The following FREM1 variants were observed in gnomAD, a reference collection of about 807,000 sequenced individuals.
The protein encoded by FREM1 is FRAS1-related extracellular matrix protein 1.
FREM1 carries 220 observed loss-of-function variants against 210.1 expected under a neutral mutation model. The ratio of observed to expected loss-of-function variants is 1.05; its 90% CI spans 0.94 to 1.17. The LOEUF is 1.17. Among genes scored for constraint, FREM1 ranks in the 50% most tolerant of loss-of-function variants. The pLI, the probability that FREM1 is intolerant of heterozygous loss-of-function variation, is 0.00. For synonymous variants in FREM1, 1,189 were observed against 980.2 expected (o/e 1.21, Z -3.98); for missense variants, 3,454 against 2,675.5 (o/e 1.29, Z -6.42).
chr9:14,744,759 C>T (rs1026289720), intron 35 of FREM1, among the ~76,000 whole-genome samples: 2 of 151,706 alleles, frequency 1.3e-5, no homozygotes, highest in East Asian at 3.9e-4. Context: ...AGTTAAATAC[C>T]TAGGAGTAGA....
chr9:14,860,670 TAC>T (rs1201795998), intron 3 of FREM1, among the ~76,000 whole-genome samples: 12 of 125,938 alleles, frequency 9.5e-5, no homozygotes, highest in Non-Finnish European at 1.4e-4. Flanking sequence ...TATACATATA[TAC>T]ACACATATAT....
In FREM1 at chr9:14,863,816, G is replaced by A; in HGVS notation, c.322C>T (p.Leu108Phe). The A allele has an allele frequency of 6.2e-7, 1 of 1,607,160 alleles. No individual in the cohort carries two copies. The highest frequency in any genetic ancestry group is 8.5e-7 in the Non-Finnish European group (1 of 1,173,742). ...ILDEDTVKLR[L>F]YRFTERDTFI... ...TGTTCCCGTGCCGCTTACCTGTAAA[G>A]TCTGAGCTTCACTGTGTCTTCATCA... is the stretch of plus-strand genomic sequence containing the variant. The change falls in exon 3 of 37, where the codon CTT becomes TTT. Residue 108 changes from leucine (L) to phenylalanine (F), a missense_variant. Physicochemically the swap from Leu to Phe is conservative, Grantham distance 22. Transcript: ENST00000380880.
Position 14,807,969 on chromosome 9 carries a change from A to G in FREM1, c.3059T>C (p.Val1020Ala). Residue 1020 changes from valine to alanine, a missense_variant, in exon 17 of 37, where the codon GTA (valine) becomes GCA (alanine). Coordinates refer to ENST00000380880, the MANE Select transcript of FREM1 (RefSeq NM_001379081.2). The stretch of plus-strand genomic sequence containing the variant: ...TGCAATGGAAGGTGGCTGGTTGTCT[A>G]CTGGGTATACCGTGATGTTGAGATC... ...VYDLNITVYP[V>A]DNQPPSIAIG... The G allele has an allele frequency of 1.9e-6, 3 of 1,613,614 alleles. No homozygotes were observed. Among genetic ancestry groups the G allele is most frequent in the Non-Finnish European group, 2.5e-6 (3 of 1,179,646 alleles).
chr9:14,901,109 T>C (rs1249937794), intron 1 of FREM1, among the ~76,000 whole-genome samples: 1 of 152,200 alleles, frequency 6.6e-6, no homozygotes, highest in African/African-American at 2.4e-5. Context: ...AATTTTATTA[T>C]TCATAAGGCT....
rs1845168769 is a variant in FREM1 at position 14,759,896 on chromosome 9, TCC to T, written c.5208_5209del (p.Glu1737ThrfsTer7). On this transcript the variant is annotated frameshift_variant, in exon 28 of 37. Coordinates refer to ENST00000380880, the MANE Select transcript of FREM1 (RefSeq NM_001379081.2). LOFTEE classifies it high-confidence loss of function. ...CCATTCAATATGAGACCACTTCAGT[TCC>T]AAACTGTGTGTGAAAGGAAAAGAGA... The T allele has an allele frequency of 1.9e-6, 3 of 1,609,056 alleles. No individual in the cohort carries two copies. The highest frequency in any genetic ancestry group is 2.5e-6 in the Non-Finnish European group (3 of 1,177,340).
At chr9:14,787,845 A>C (rs2132941363) in intron 23 of FREM1, among the ~76,000 whole-genome samples, 1 of 152,306 alleles carries the variant, frequency 6.6e-6, no homozygotes, top group East Asian at 1.9e-4. Context: ...TTGCAGGGAG[A>C]GATAAATGTG....
At position 14,813,121 on chromosome 9, in the gene FREM1, G is replaced by A; in HGVS notation, c.2641-57C>T. The A allele has an allele frequency of 5.9e-6, 9 of 1,520,712 alleles. No individual in the cohort carries two copies. The South Asian group carries it at 1.1e-4, about 19-fold the overall frequency. 94.2% of individuals were successfully genotyped at this position (1,520,712 alleles called of 1,614,324 possible). On this transcript the variant is annotated intron_variant, in intron 15 of 36. Transcript: ENST00000380880. ...AAAAGAAAGAAATGACAAATTCTTT[G>A]ACAGGTAATCCATTGCTCATAGTCA...
rs1269187362 is a variant in FREM1, at chr9:14,860,946, C to CATATAT, written c.330-1463_330-1462insATATAT. On this transcript the variant is annotated intron_variant, in intron 3 of 36. Transcript: ENST00000380880. ...ATATATACACATATACACACATATA[C>CATATAT]ACATATACACATATATACACATATA... Among the ~76,000 whole-genome samples the CATATAT allele has an allele frequency of 2.3e-4, 25 of 108,012 alleles. 2 individuals are homozygous for CATATAT. Among genetic ancestry groups the CATATAT allele is most frequent in the Admixed American group, 7.8e-4 (8 of 10,210 alleles). The allele number at this position is 108,012 out of a possible 152,430, so 70.9% of individuals were successfully genotyped here. A position where few individuals can be genotyped will look rare whatever the true frequency, so the allele number is the denominator to read the frequency against.
At chr9:14,783,834 C>T (rs748069647) in intron 24 of FREM1, among the ~76,000 whole-genome samples, 18 of 152,186 alleles carry the variant, frequency 1.2e-4, no homozygotes, top group Admixed American at 1.1e-3. Context: ...ATATGATCTA[C>T]TTTATGACAA....
At chr9:14,884,412 T>C (rs1391053577) in intron 1 of FREM1, among the ~76,000 whole-genome samples, 2 of 152,174 alleles carry the variant, frequency 1.3e-5, no homozygotes, top group Non-Finnish European at 2.9e-5. Context: ...GTATTCTAAG[T>C]ACAGTATATC....
intron 1 of FREM1, among the ~76,000 whole-genome samples, chr9:14,883,631 C>A (rs1050186206): frequency 6.6e-6 from 1 of 152,172 alleles, no homozygotes; most frequent in African/African-American, 2.4e-5. Context: ...GATGATGGGT[C>A]TTTTAACACC....
chr9:14,877,829 T>G (rs116686315), intron 1 of FREM1, among the ~76,000 whole-genome samples: 1,547 of 152,294 alleles, frequency 0.01, 28 homozygotes, highest in African/African-American at 0.035. Flanking sequence ...TAAGCCATAA[T>G]CTGACCCCAG....
In FREM1 at chr9:14,769,871, A is replaced by G. The variant is rs758149556; in HGVS notation, c.5060-3T>C. The G allele has an allele frequency of 2.1e-6, 3 of 1,421,868 alleles. No homozygotes were observed. Among genetic ancestry groups the G allele is most frequent in the Non-Finnish European group, 2.9e-6 (3 of 1,034,432 alleles). 88.1% of individuals were successfully genotyped at this position (1,421,868 alleles called of 1,614,324 possible). ...AAATTTCTCATGGATAAATTCACCT[A>G]AAAAAAGAAATAAATGAATATCATG... On this transcript the variant is annotated splice_region_variant and splice_polypyrimidine_tract_variant and intron_variant, in intron 26 of 36. Coordinates refer to ENST00000380880, the MANE Select transcript of FREM1 (RefSeq NM_001379081.2).
At position 14,780,433 on chromosome 9, in the gene FREM1, GA is replaced by G. The variant is rs58017285; in HGVS notation, c.4442+3936del. 3.8e-3 allele frequency among the ~76,000 whole-genome samples: 312 copies of G among 81,532 alleles called. 19 individuals are homozygous for G. In the East Asian group the frequency reaches 0.056, roughly 15 times the overall value. The allele number at this position is 81,532 out of a possible 152,430, so 53.5% of individuals were successfully genotyped here. A position where few individuals can be genotyped will look rare whatever the true frequency, so the allele number is the denominator to read the frequency against. On this transcript the variant is annotated intron_variant, in intron 24 of 36. Transcript: ENST00000380880. The stretch of plus-strand genomic sequence containing the variant: ...AATCATAAATAGCGCCAGCTCCTCA[GA>G]AAAAAAAAAAAAAAAAGTCCAGCCG...
At chr9:14,791,350 T>G (rs13296345) in intron 22 of FREM1, among the ~76,000 whole-genome samples, 1 of 152,050 alleles carries the variant, frequency 6.6e-6, no homozygotes, top group Non-Finnish European at 1.5e-5. Flanking sequence ...AATCCTCCCT[T>G]TATTGTTTCC....
At chr9:14,821,126 A>G (rs1184519472) in intron 13 of FREM1, among the ~76,000 whole-genome samples, 1 of 152,160 alleles carries the variant, frequency 6.6e-6, no homozygotes, top group Non-Finnish European at 1.5e-5. Context: ...CATGGTGTCA[A>G]CATCCTCCCG....
intron 13 of FREM1, among the ~76,000 whole-genome samples, 166 bp from the exon 14 acceptor site, chr9:14,819,608 A>AT (rs527951245): frequency 3.3e-5 from 5 of 151,912 alleles, no homozygotes; most frequent in East Asian, 1.9e-4. Context: ...TGACTGAAAA[A>AT]TTTTTTTTTA....
intron 1 of FREM1, among the ~76,000 whole-genome samples, chr9:14,881,964 T>C (rs143470127): frequency 2.0e-5 from 3 of 152,268 alleles, no homozygotes; most frequent in South Asian, 2.1e-4. Flanking sequence ...AATGAGGCTA[T>C]GGCATAGGTT....
chr9:14,842,468 A>T lies in FREM1; in HGVS notation c.1586T>A (p.Val529Glu). 1 of 1,614,012 alleles carries T rather than the reference A, an allele frequency of 6.2e-7. No individual in the cohort carries two copies. The highest frequency in any genetic ancestry group is 1.1e-5 in the South Asian group (1 of 91,082). ...DSPPFLITNV[V>E]IELEEGQTIL... ...GGTCTGCCCCTCCTCCAGTTCAATC[A>T]CAACATTGGTTATGAGGAACGGGGG... Residue 529 changes from valine (V) to glutamate (E), a missense_variant, in exon 9 of 37, where the codon GTG (valine) becomes GAG (glutamate). Transcript: ENST00000380880.
Sources: allele counts gnomAD v4.1 joint callset (sites outside exome capture counted in the v4.1 genomes callset), GRCh38; gene constraint gnomAD v4.1.1; transcripts MANE v1.5; gene names NCBI Gene and HGNC (gene_info 2026-07-23, HGNC 2026-07-21).